SNAP25: variants seen among roughly 807,000 people sequenced by gnomAD.
SNAP25 encodes the protein synaptosomal-associated protein 25.
SNAP25 carries 3 observed loss-of-function variants against 28.7 expected under a neutral mutation model. The observed-to-expected ratio is 0.10, with a 90% confidence interval of 0.05 to 0.27. The LOEUF is 0.27. Ranked by LOEUF, SNAP25 falls within the 10% of genes least tolerant of loss-of-function variation. SNAP25 has a pLI of 1.00. For synonymous variants in SNAP25, 61 were observed against 88.1 expected (o/e 0.69, Z 1.72); for missense variants, 117 against 278.7 (o/e 0.42, Z 4.13).
chr20:10,265,719 G>A (rs186030274), intron 1 of SNAP25, among the ~76,000 whole-genome samples: 100 of 152,256 alleles, frequency 6.6e-4, no homozygotes, highest in African/African-American at 2.3e-3. Flanking sequence ...GAATTGGTGA[G>A]GTTAAAATAA....
Position 10,254,529 on chromosome 20 carries a change from G to A in SNAP25, c.-63-20900G>A, listed in dbSNP as rs183510305. ...ACCCAGGAGGAGCTCCTTTTCCCGC[G>A]CACTCCCACCTCCAGTAGAGAAGTG... On this transcript the variant is annotated intron_variant, in intron 1 of 7. Transcript: ENST00000254976. Among the ~76,000 whole-genome samples, 7 of 152,216 alleles carry A rather than the reference G, an allele frequency of 4.6e-5. No individual in the cohort carries two copies. In the South Asian group the frequency reaches 6.2e-4, roughly 14 times the overall value.
intron 6 of SNAP25, among the ~76,000 whole-genome samples, chr20:10,298,795 G>C (rs1307799537): frequency 6.6e-6 from 1 of 152,136 alleles, no homozygotes; most frequent in Non-Finnish European, 1.5e-5. Flanking sequence ...CAGAGACTCT[G>C]ACTTAGCACA....
At chr20:10,272,751 G>A (rs936641340) in intron 1 of SNAP25, among the ~76,000 whole-genome samples, 27 of 152,150 alleles carry the variant, frequency 1.8e-4, no homozygotes, top group African/African-American at 6.5e-4. Context: ...TGCCCATAAA[G>A]CTAACCTCAC....
At chr20:10,234,946 C>T (rs1378205048) in intron 1 of SNAP25, among the ~76,000 whole-genome samples, 1 of 152,166 alleles carries the variant, frequency 6.6e-6, no homozygotes, top group Non-Finnish European at 1.5e-5. Flanking sequence ...ACCTGTATCC[C>T]AGCTATTTGA....
intron 1 of SNAP25, among the ~76,000 whole-genome samples, chr20:10,225,265 A>G (rs2062715874): frequency 6.6e-6 from 1 of 152,042 alleles, no homozygotes; most frequent in East Asian, 1.9e-4. Flanking sequence ...CCTTGTCACA[A>G]CCTACTGCAG....
intron 1 of SNAP25, among the ~76,000 whole-genome samples, chr20:10,251,568 A>G (rs1003667865): frequency 6.6e-6 from 1 of 152,350 alleles, no homozygotes; most frequent in Non-Finnish European, 1.5e-5. Context: ...GCAATGATTA[A>G]TAAGCATGAG....
At chr20:10,299,571 C>T (rs1218462030) in intron 7 of SNAP25, among the ~76,000 whole-genome samples, 159 bp downstream of exon 7, 7 of 152,156 alleles carry the variant, frequency 4.6e-5, no homozygotes, top group Non-Finnish European at 1.0e-4. Context: ...AAATATAGGA[C>T]TCAGCAACAG....
intron 1 of SNAP25, among the ~76,000 whole-genome samples, chr20:10,236,110 G>T (rs1312957355): frequency 6.6e-6 from 1 of 152,156 alleles, no homozygotes; most frequent in Non-Finnish European, 1.5e-5. Context: ...TAGATAGATG[G>T]CCTCTGCCCA....
chr20:10,220,777 A>T (rs531041747), intron 1 of SNAP25, among the ~76,000 whole-genome samples: 4 of 152,354 alleles, frequency 2.6e-5, no homozygotes, highest in African/African-American at 9.6e-5. Flanking sequence ...ATCCCCTTAA[A>T]AGACCCCAAA....
chr20:10,284,650 C>T, intron 3 of SNAP25, 74 bp from the exon 4 acceptor site: 2 of 1,132,446 alleles, frequency 1.8e-6, no homozygotes, highest in East Asian at 2.3e-5. Context: ...GCTAATTGTC[C>T]CCTTACTGAT....
At chr20:10,270,161 G>A (rs1415615188) in intron 1 of SNAP25, among the ~76,000 whole-genome samples, 1 of 152,028 alleles carries the variant, frequency 6.6e-6, no homozygotes, top group Non-Finnish European at 1.5e-5. Flanking sequence ...GCCGAGGGAG[G>A]AGAATTGCTT....
intron 1 of SNAP25, among the ~76,000 whole-genome samples, chr20:10,254,383 G>C (rs2063283047): frequency 6.6e-6 from 1 of 152,108 alleles, no homozygotes; most frequent in Non-Finnish European, 1.5e-5. Context: ...CCCTTGCTTG[G>C]CTTCTTCCCC....
intron 3 of SNAP25, among the ~76,000 whole-genome samples, chr20:10,284,033 A>G (rs1039858948): frequency 6.6e-6 from 1 of 152,222 alleles, no homozygotes; most frequent in Non-Finnish European, 1.5e-5. Context: ...TAAAGCTTGT[A>G]AAGGAATTAT....
At chr20:10,273,539 C>A (rs1330453952) in intron 1 of SNAP25, among the ~76,000 whole-genome samples, 1 of 152,230 alleles carries the variant, frequency 6.6e-6, no homozygotes, top group Admixed American at 6.5e-5. Context: ...CTCATGGTCT[C>A]ATGGCTTAAC....
intron 1 of SNAP25, among the ~76,000 whole-genome samples, chr20:10,275,071 AAAT>A (rs1568608632): frequency 0.011 from 1,518 of 137,870 alleles, 9 homozygotes; most frequent in Middle Eastern, 0.014. Context: ...AGAGCTATTT[AAAT>A]AAATAAATAA....
chr20:10,242,898 G>A (rs1189206845), intron 1 of SNAP25, among the ~76,000 whole-genome samples: 1 of 152,182 alleles, frequency 6.6e-6, no homozygotes, highest in Non-Finnish European at 1.5e-5. Flanking sequence ...TCTACCAAAG[G>A]TATCTGATCC....
At chr20:10,231,344 T>C (rs1412876501) in intron 1 of SNAP25, 1 of 152,182 alleles carries the variant, frequency 6.6e-6, no homozygotes, top group Non-Finnish European at 1.5e-5. Context: ...CTTGCTGAGA[T>C]TTTTAAATTG....
At position 10,303,026 on chromosome 20, in the gene SNAP25, G is replaced by C. The variant is rs113135220; in HGVS notation, c.553-3103G>C. On this transcript the variant is annotated intron_variant, in intron 7 of 7. Transcript: ENST00000254976. The stretch of plus-strand genomic sequence containing the variant: ...GGCCCCTCAGTGCATTCTTGTACAG[G>C]AGATCCTAGAATGTTTGCGCTCAGG... Among the ~76,000 whole-genome samples, 1,353 of 152,046 alleles carry C rather than the reference G, an allele frequency of 8.9e-3. 13 individuals carry two copies. Among genetic ancestry groups the C allele is most frequent in the Non-Finnish European group, 0.013 (866 of 68,012 alleles).
At chr20:10,291,509 T>C (rs1203150367) in intron 4 of SNAP25, among the ~76,000 whole-genome samples, 1 of 152,232 alleles carries the variant, frequency 6.6e-6, no homozygotes, top group Non-Finnish European at 1.5e-5. Flanking sequence ...TCACCTGTCA[T>C]TTCAAAAGCA....
Sources: gnomAD v4.1 joint callset for allele counts (sites outside exome capture counted in the v4.1 genomes callset) on GRCh38, gnomAD v4.1.1 for gene constraint, MANE v1.5 for transcripts, NCBI Gene and HGNC (gene_info 2026-07-23, HGNC 2026-07-21) for gene names.